Variants in NARS2 observed in about 807,000 individuals in gnomAD.
NARS2 encodes asparaginyl-tRNA synthetase.
In NARS2, 60 loss-of-function variants were observed where a neutral mutation model predicts 62.9. That is an observed-to-expected ratio of 0.95 (90% CI 0.77 to 1.18). The LOEUF is 1.18. Ranked by LOEUF, NARS2 falls within the 50% of genes most tolerant of loss-of-function variation. The pLI is 0.00. For missense variants in NARS2, 619 were observed against 576.4 expected, an observed-to-expected ratio of 1.07 and a Z score of -0.76; for synonymous variants, 196 against 200.0, an observed-to-expected ratio of 0.98 and a Z score of 0.17.
At position 78,574,526 on chromosome 11, in the gene NARS2, A is replaced by G. The variant is rs1003749346; in HGVS notation, c.-38T>C. 28 of 1,554,072 alleles carry G rather than the reference A, an allele frequency of 1.8e-5. No individual in the cohort carries two copies. The Middle Eastern group carries it at 1.3e-3, about 70-fold the overall frequency. On this transcript the variant is annotated 5_prime_UTR_variant, in exon 1 of 14. Transcript: ENST00000281038. Reference sequence around the variant, plus strand: ...CAGGCCCTCCGCGGGAGCAGCCCAGACCCCACGGTTCGAACCCCGCCTGCA... The same window carrying G: ...CAGGCCCTCCGCGGGAGCAGCCCAGGCCCCACGGTTCGAACCCCGCCTGCA...
chr11:78,558,557 A>C (rs1274324980), intron 5 of NARS2: 2 of 152,230 alleles, frequency 1.3e-5, no homozygotes, highest in Non-Finnish European at 2.9e-5. Flanking sequence ...ACCACTCATG[A>C]TCATACCATT....
chr11:78,463,686 CA>C (rs1390275352), intron 11 of NARS2, among the ~76,000 whole-genome samples: 68 of 10,362 alleles, frequency 6.6e-3, no homozygotes, highest in Non-Finnish European at 0.015. Flanking sequence ...AATTCTATCT[CA>C]AAAAAAAGAC....
At chr11:78,535,660 A>T in intron 5 of NARS2, among the ~76,000 whole-genome samples, 1 of 150,230 alleles carries the variant, frequency 6.7e-6, no homozygotes. Flanking sequence ...ACAGAGTTTC[A>T]CTCTTATTGC....
intron 13 of NARS2, among the ~76,000 whole-genome samples, chr11:78,440,573 C>G (rs1464468885): frequency 6.6e-6 from 1 of 151,850 alleles, no homozygotes; most frequent in Non-Finnish European, 1.5e-5. Flanking sequence ...GCTCTTGTCC[C>G]CCAAGCTGGA....
At chr11:78,563,748 T>G (rs1464599705) in intron 4 of NARS2, among the ~76,000 whole-genome samples, 1 of 139,232 alleles carries the variant, frequency 7.2e-6, no homozygotes, top group Non-Finnish European at 1.5e-5. Context: ...GGAGAATCCC[T>G]TGAACCCAGG....
In NARS2 at chr11:78,465,948, G is replaced by C; in HGVS notation, c.1092C>G (p.Val364=). The part of the protein sequence containing the change: ...YLVKHCGNIP[V]FVINYPLTLK... ...GTGTTAATGGATAATTAATAACGAA[G>C]ACAGGTATGTTGCCACAGTGCTTCA... Residue 364 remains valine, a synonymous_variant, in exon 11 of 14, where the codon GTC becomes GTG. Coordinates refer to ENST00000281038, the MANE Select transcript of NARS2 (RefSeq NM_024678.6). The C allele has an allele frequency of 1.2e-6, 2 of 1,614,010 alleles. No individual in the cohort carries two copies. The highest frequency in any genetic ancestry group is 1.7e-6 in the Non-Finnish European group (2 of 1,179,926).
intron 5 of NARS2, among the ~76,000 whole-genome samples, chr11:78,537,022 T>C (rs542488558): frequency 3.3e-5 from 5 of 152,232 alleles, no homozygotes; most frequent in Non-Finnish European, 5.9e-5. Flanking sequence ...ACATACTGAA[T>C]AGGTTTGTAC....
chr11:78,543,766 C>T (rs892422283), intron 5 of NARS2, among the ~76,000 whole-genome samples: 1 of 152,086 alleles, frequency 6.6e-6, no homozygotes, highest in Non-Finnish European at 1.5e-5. Flanking sequence ...GGCAGAGAGG[C>T]TCATGGCTGT....
chr11:78,440,618 T>C (rs886252965), intron 13 of NARS2, among the ~76,000 whole-genome samples: 1 of 151,164 alleles, frequency 6.6e-6, no homozygotes, highest in Admixed American at 6.6e-5. Context: ...CTGCAACCTC[T>C]GCCTCCCAGG....
Position 78,565,547 on chromosome 11 carries a change from C to T in NARS2, c.513+585G>A, listed in dbSNP as rs568093167. ...GCAGACTCCCTGAGTTGAAGAGACA[C>T]AACTCAGAGTCTGGAGAGACCCAAG... On this transcript the variant is annotated intron_variant, in intron 4 of 13. Coordinates refer to ENST00000281038, the MANE Select transcript of NARS2 (RefSeq NM_024678.6). 9.2e-5 allele frequency among the ~76,000 whole-genome samples: 14 copies of T among 152,260 alleles called. No individual in the cohort carries two copies. In the South Asian group the frequency reaches 2.7e-3, roughly 29 times the overall value.
At chr11:78,519,703 GTT>G (rs200566633) in intron 6 of NARS2, among the ~76,000 whole-genome samples, 1 of 144,300 alleles carries the variant, frequency 6.9e-6, no homozygotes. Context: ...TAGTTGTTGA[GTT>G]TTTTTTTTTT....
rs1234255594 is a variant in NARS2 at position 78,436,723 on chromosome 11, T to C, written c.1381A>G (p.Asn461Asp). Reference sequence around the variant, plus strand: ...GGGAAAGGGATAACATCTTTGATATTGTCAACACCCAAGATGCACTGCAGG... The same window carrying C: ...GGGAAAGGGATAACATCTTTGATATCGTCAACACCCAAGATGCACTGCAGG... ...RYLQCILGVD[N>D]IKDVIPFPRF... is the part of the protein sequence containing the mutation. Residue 461 changes from asparagine to aspartate, a missense_variant, in exon 14 of 14, where the codon AAT becomes GAT. Transcript: ENST00000281038. The C allele has an allele frequency of 3.7e-6, 6 of 1,614,110 alleles. No homozygotes were observed. The highest frequency in any genetic ancestry group is 1.1e-5 in the South Asian group (1 of 91,094).
chr11:78,521,913 T>C (rs1861142623), intron 6 of NARS2, among the ~76,000 whole-genome samples: 1 of 151,302 alleles, frequency 6.6e-6, no homozygotes, highest in Non-Finnish European at 1.5e-5. Flanking sequence ...AGAATTAAAA[T>C]GATAAAGGTA....
chr11:78,563,851 A>AAAAATATAT (rs1404770578), intron 4 of NARS2, among the ~76,000 whole-genome samples: 3 of 34,024 alleles, frequency 8.8e-5, no homozygotes, highest in African/African-American at 2.8e-4. Flanking sequence ...AAAAAAAAAA[A>AAAAATATAT]ATATATATAT....
At chr11:78,538,264 C>T (rs1180415538) in intron 5 of NARS2, among the ~76,000 whole-genome samples, 1 of 152,128 alleles carries the variant, frequency 6.6e-6, no homozygotes, top group Non-Finnish European at 1.5e-5. Context: ...CTGCTAATAG[C>T]CCCCAACTCC....
chr11:78,477,939 C>A (rs1265788047), intron 9 of NARS2, among the ~76,000 whole-genome samples: 1 of 152,152 alleles, frequency 6.6e-6, no homozygotes, highest in South Asian at 2.1e-4. Flanking sequence ...CACACACACA[C>A]CCCGCCCTCA....
chr11:78,551,881 C>A (rs554616826), intron 5 of NARS2, among the ~76,000 whole-genome samples: 6 of 151,362 alleles, frequency 4.0e-5, no homozygotes, highest in South Asian at 2.1e-4. Context: ...ACAAAAAAAA[C>A]CCACCAAAAA....
At position 78,563,845 on chromosome 11, in the gene NARS2, A is replaced by AT. The variant is rs1263334989; in HGVS notation, c.513+2286_513+2287insA. Reference sequence around the variant, plus strand: ...ACTCTGTATCAAAAAAAAAAAAAAAAAAAAAAATATATATATATATATATG... The same window carrying AT: ...ACTCTGTATCAAAAAAAAAAAAAAAATAAAAAAATATATATATATATATATG... On this transcript the variant is annotated intron_variant, in intron 4 of 13. Coordinates refer to ENST00000281038, the MANE Select transcript of NARS2 (RefSeq NM_024678.6). 2.8e-3 allele frequency among the ~76,000 whole-genome samples: 186 copies of AT among 65,578 alleles called. 4 individuals carry two copies. Among genetic ancestry groups the AT allele is most frequent in the African/African-American group, 0.013 (172 of 12,872 alleles). The allele number at this position is 65,578 out of a possible 152,430, so 43.0% of individuals were successfully genotyped here. A position where few individuals can be genotyped will look rare whatever the true frequency, so the allele number is the denominator to read the frequency against.
At chr11:78,472,412 A>G (rs775278723) in intron 9 of NARS2, among the ~76,000 whole-genome samples, 5 of 152,182 alleles carry the variant, frequency 3.3e-5, no homozygotes, top group Admixed American at 2.0e-4. Flanking sequence ...TACAAAGATA[A>G]TTATTGTCAT....
Sources: allele counts gnomAD v4.1 joint callset (sites outside exome capture counted in the v4.1 genomes callset), GRCh38; gene constraint gnomAD v4.1.1; transcripts MANE v1.5; gene names NCBI Gene and HGNC (gene_info 2026-07-23, HGNC 2026-07-21).